LRRC4C: variants seen among roughly 807,000 people sequenced by gnomAD.
LRRC4C encodes leucine-rich repeat-containing protein 4C.
LRRC4C carries 5 observed loss-of-function variants against 33.6 expected under a neutral mutation model. The observed-to-expected ratio is 0.15, with a 90% CI of 0.08 to 0.31. The LOEUF (loss-of-function observed/expected upper bound fraction) is 0.31. Among genes scored for constraint, LRRC4C ranks in the 10% least tolerant of loss-of-function variants. LRRC4C has a pLI of 1.00. For missense variants in LRRC4C, 560 were observed against 796.7 expected, an observed-to-expected ratio of 0.70 and a Z score of 3.58; for synonymous variants, 329 against 302.0, an observed-to-expected ratio of 1.09 and a Z score of -0.93.
At chr11:41,044,843 A>C (rs1326523733) in intron 1 of LRRC4C, among the ~76,000 whole-genome samples, 1 of 152,128 alleles carries the variant, frequency 6.6e-6, no homozygotes, top group Non-Finnish European at 1.5e-5. Context: ...CATCAATCCA[A>C]GTCTCCTCTA....
At chr11:40,611,642 G>A (rs564132072) in intron 3 of LRRC4C, among the ~76,000 whole-genome samples, 15 of 151,562 alleles carry the variant, frequency 9.9e-5, no homozygotes, top group South Asian at 2.1e-4. Flanking sequence ...TTAAAGATAC[G>A]TAAGAAACTC....
At chr11:41,328,499 A>T (rs1951192912) in intron 1 of LRRC4C, among the ~76,000 whole-genome samples, 1 of 151,838 alleles carries the variant, frequency 6.6e-6, no homozygotes, top group South Asian at 2.1e-4. Flanking sequence ...AAGCCACCAC[A>T]CTCCACCCAG....
At position 41,366,557 on chromosome 11, in the gene LRRC4C, G is replaced by C. The variant is rs540462756; in HGVS notation, c.-496+92874C>G. ...TTTTTAAAATAACTCCTTTAAAAAAGTTAAATAGAGATATTATAAGCTGAA... is the reference window on the plus strand; with the variant it reads ...TTTTTAAAATAACTCCTTTAAAAAACTTAAATAGAGATATTATAAGCTGAA... On this transcript the variant is annotated intron_variant, in intron 1 of 6. Coordinates refer to ENST00000528697, the MANE Select transcript of LRRC4C (RefSeq NM_001258419.2). Among the ~76,000 whole-genome samples, 7 of 152,032 alleles carry C rather than the reference G, an allele frequency of 4.6e-5. No homozygotes were observed. In the East Asian group the frequency reaches 1.4e-3, roughly 29 times the overall value.
At chr11:40,469,079 G>T (rs72897067) in intron 3 of LRRC4C, among the ~76,000 whole-genome samples, 7 of 152,122 alleles carry the variant, frequency 4.6e-5, no homozygotes, top group African/African-American at 7.2e-5. Context: ...GAAAAAGGGA[G>T]GCCATAGGGC....
In LRRC4C at chr11:40,628,776, G is replaced by A. The variant is rs565997279; in HGVS notation, c.-270+19366C>T. On this transcript the variant is annotated intron_variant, in intron 3 of 6. Coordinates refer to ENST00000528697, the MANE Select transcript of LRRC4C (RefSeq NM_001258419.2). ...TTGCCACTTTCCAGATTTTTAATAA[G>A]GAAAATAAATCTAGCTCTTATAAAC... Among the ~76,000 whole-genome samples, 88 of 152,150 alleles carry A rather than the reference G, an allele frequency of 5.8e-4. 1 individual carries two copies. Among genetic ancestry groups the A allele is most frequent in the South Asian group, 1.7e-3 (8 of 4,816 alleles).
intron 3 of LRRC4C, among the ~76,000 whole-genome samples, chr11:40,548,644 G>A (rs1957018728): frequency 6.6e-6 from 1 of 152,114 alleles, no homozygotes; most frequent in Admixed American, 6.6e-5. Context: ...AAGACAGTAA[G>A]TGGAAAGACC....
intron 1 of LRRC4C, among the ~76,000 whole-genome samples, chr11:41,454,126 T>C (rs1956109128): frequency 6.6e-6 from 1 of 152,080 alleles, no homozygotes; most frequent in Admixed American, 6.6e-5. Context: ...AAGGCTGACT[T>C]TGCAGTACCG....
chr11:41,000,277 T>C (rs1054881618), intron 1 of LRRC4C, among the ~76,000 whole-genome samples: 1 of 152,114 alleles, frequency 6.6e-6, no homozygotes, highest in East Asian at 1.9e-4. Flanking sequence ...TTGACAGTCA[T>C]CCCATGCGGA....
intron 4 of LRRC4C, among the ~76,000 whole-genome samples, chr11:40,257,852 A>G (rs942584168): frequency 1.3e-5 from 2 of 151,672 alleles, no homozygotes; most frequent in African/African-American, 2.4e-5. Context: ...CTGTTGAACT[A>G]GTGAGATAAA....
chr11:40,911,923 A>G (rs749799497), intron 2 of LRRC4C, among the ~76,000 whole-genome samples: 17 of 152,234 alleles, frequency 1.1e-4, no homozygotes, highest in African/African-American at 1.7e-4. Context: ...AGCCGATTCA[A>G]TCAACTGGAA....
chr11:40,242,881 T>C (rs187225407), intron 4 of LRRC4C, among the ~76,000 whole-genome samples: 4 of 152,208 alleles, frequency 2.6e-5, no homozygotes, highest in Admixed American at 2.0e-4. Context: ...AGCAATTCAA[T>C]AGAATGTTTT....
chr11:40,326,471 G>T (rs1946108904), intron 3 of LRRC4C, among the ~76,000 whole-genome samples: 1 of 151,548 alleles, frequency 6.6e-6, no homozygotes, highest in Admixed American at 6.6e-5. Flanking sequence ...CTGAGGCAGA[G>T]AATTGCTTGA....
At chr11:40,968,639 T>G (rs1040942084) in intron 1 of LRRC4C, among the ~76,000 whole-genome samples, 18 of 152,086 alleles carry the variant, frequency 1.2e-4, no homozygotes, top group African/African-American at 4.1e-4. Flanking sequence ...CCCTTACAAA[T>G]TATGTTAAAA....
chr11:40,186,327 A>C (rs1861397530), intron 5 of LRRC4C, among the ~76,000 whole-genome samples: 1 of 152,056 alleles, frequency 6.6e-6, no homozygotes, highest in African/African-American at 2.4e-5. Context: ...CTGTCTCCCA[A>C]ATTTAAGCTT....
chr11:41,185,595 A>C (rs2054838), intron 1 of LRRC4C, among the ~76,000 whole-genome samples: 138,897 of 152,144 alleles, frequency 0.91, 64,174 homozygotes, highest in East Asian at 1. Flanking sequence ...GACAGTATTT[A>C]GTGGAGAAAA....
intron 1 of LRRC4C, among the ~76,000 whole-genome samples, chr11:40,966,455 A>T (rs2136938255): frequency 6.6e-6 from 1 of 152,072 alleles, no homozygotes; most frequent in Middle Eastern, 3.4e-3. Context: ...ATATGACAGG[A>T]GAAGGCTTCA....
intron 1 of LRRC4C, among the ~76,000 whole-genome samples, chr11:41,384,081 G>A (rs1036127212): frequency 2.0e-5 from 3 of 151,798 alleles, no homozygotes; most frequent in African/African-American, 7.2e-5. Flanking sequence ...AAAGATCTTC[G>A]AAAGTTTATT....
intron 5 of LRRC4C, among the ~76,000 whole-genome samples, chr11:40,231,092 C>T (rs546693660): frequency 1.3e-5 from 2 of 152,184 alleles, no homozygotes; most frequent in East Asian, 3.9e-4. Context: ...CATGGCTGGG[C>T]GTAGTGGCAC....
chr11:40,228,799 G>A (rs1864992649), intron 5 of LRRC4C, among the ~76,000 whole-genome samples: 1 of 152,206 alleles, frequency 6.6e-6, no homozygotes, highest in Non-Finnish European at 1.5e-5. Flanking sequence ...TGTTGATAAA[G>A]TATGAAGTAA....
Sources: allele counts gnomAD v4.1 joint callset (sites outside exome capture counted in the v4.1 genomes callset), GRCh38; gene constraint gnomAD v4.1.1; transcripts MANE v1.5; gene names NCBI Gene and HGNC (gene_info 2026-07-23, HGNC 2026-07-21).